ATR: variants seen among roughly 807,000 people sequenced by gnomAD.
ATR encodes the protein ATR checkpoint kinase.
ATR carries 142 observed loss-of-function variants against 305.3 expected under a neutral mutation model. The ratio of observed to expected loss-of-function variants is 0.47; its 90% CI spans 0.41 to 0.53. ATR has a LOEUF of 0.53. Among genes scored for constraint, ATR ranks in the 20% least tolerant of loss-of-function variants. The probability of loss-of-function intolerance (pLI) is 0.00; values close to 1 mark genes in which losing one functional copy is unlikely to be tolerated. For synonymous variants in ATR, 1,050 were observed against 1,068.1 expected, an observed-to-expected ratio of 0.98 and a Z score of 0.33; for missense variants, 2,135 against 3,133.1, an observed-to-expected ratio of 0.68 and a Z score of 7.60.
chr3:142,471,495 G>T (rs750647721), intron 36 of ATR, among the ~76,000 whole-genome samples: 9 of 152,166 alleles, frequency 5.9e-5, no homozygotes, highest in Non-Finnish European at 1.3e-4. Flanking sequence ...TATAGAAGAA[G>T]TGGGGACTTT....
chr3:142,566,743 TAC>T (rs1237985740), intron 2 of ATR, among the ~76,000 whole-genome samples: 1 of 151,346 alleles, frequency 6.6e-6, no homozygotes, highest in Non-Finnish European at 1.5e-5. Context: ...GGCTAAACAC[TAC>T]AGTCTTTTTT....
chr3:142,455,090 A>G (rs560896171), intron 45 of ATR, among the ~76,000 whole-genome samples: 29 of 152,366 alleles, frequency 1.9e-4, no homozygotes, highest in Admixed American at 4.6e-4. Flanking sequence ...CAATATCAAT[A>G]TATAAATATC....
At chr3:142,465,960 C>T (rs1194872642) in intron 40 of ATR, 3 of 256,140 alleles carry the variant, frequency 1.2e-5, no homozygotes, top group East Asian at 1.1e-4. Flanking sequence ...GAGCTGAGAT[C>T]GCACCACTGT....
At chr3:142,515,310 T>G (rs2032810542) in intron 25 of ATR, 85 bp downstream of exon 25, 2 of 1,525,668 alleles carry the variant, frequency 1.3e-6, no homozygotes, top group South Asian at 1.2e-5. Context: ...CTTCAATGAT[T>G]ATTGTGTGTG....
chr3:142,535,901 G>A (rs1032076527), intron 20 of ATR, among the ~76,000 whole-genome samples: 2 of 152,042 alleles, frequency 1.3e-5, no homozygotes, highest in Non-Finnish European at 2.9e-5. Context: ...TCTATCTAAT[G>A]GTGTTACATA....
chr3:142,554,069 T>C, intron 10 of ATR, 54 bp from the exon 11 acceptor site: 4 of 1,420,166 alleles, frequency 2.8e-6, no homozygotes, highest in African/African-American at 1.4e-5. Flanking sequence ...GTCAAGGTTG[T>C]ACTGTAAAAA....
chr3:142,572,002 G>A (rs959230353), intron 1 of ATR, among the ~76,000 whole-genome samples: 1 of 151,426 alleles, frequency 6.6e-6, no homozygotes, highest in Admixed American at 6.6e-5. Flanking sequence ...CTGACCTCAG[G>A]TAATCCGCCC....
intron 36 of ATR, among the ~76,000 whole-genome samples, chr3:142,479,524 G>T (rs951515122): frequency 6.6e-6 from 1 of 152,084 alleles, no homozygotes; most frequent in Non-Finnish European, 1.5e-5. Context: ...CTTAACGTTC[G>T]TTCCTTCATT....
chr3:142,518,472 G>C (rs1302871425), intron 24 of ATR, among the ~76,000 whole-genome samples: 1 of 152,160 alleles, frequency 6.6e-6, no homozygotes, highest in Non-Finnish European at 1.5e-5. Flanking sequence ...AGCTGATACC[G>C]CATCACTGCA....
In ATR at chr3:142,560,432, G is replaced by A. The variant is rs2108483339; in HGVS notation, c.1372C>T (p.Gln458Ter). Residue 458 changes from glutamine to a stop codon, truncating the protein, a stop_gained, in exon 6 of 47, where the codon CAA (glutamine) becomes TAA (stop). Transcript: ENST00000350721. LOFTEE classifies it high-confidence loss of function. ...TEEIKHVDMN[Q>*]KSILWSALKQ... ...AGTGCACTCCATAATATGCTCTTTT[G>A]GTTCATGTCCACATGTTTAATTCTA... 6.2e-7 allele frequency: 1 copy of A among 1,612,064 alleles called. No individual in the cohort carries two copies. Among genetic ancestry groups the A allele is most frequent in the Non-Finnish European group, 8.5e-7 (1 of 1,178,352 alleles).
At chr3:142,521,434 AT>A (rs927933095) in intron 23 of ATR, among the ~76,000 whole-genome samples, 1 of 152,210 alleles carries the variant, frequency 6.6e-6, no homozygotes, top group African/African-American at 2.4e-5. Context: ...TTCAAGTTTT[AT>A]TACTTAAGAA....
intron 1 of ATR, among the ~76,000 whole-genome samples, chr3:142,576,813 C>T (rs988957779): frequency 6.6e-6 from 1 of 152,098 alleles, no homozygotes; most frequent in African/African-American, 2.4e-5. Context: ...CAAGATTATG[C>T]AGAGCAGACT....
chr3:142,519,808 G>A (rs767103039), intron 23 of ATR, 24 bp from the exon 24 acceptor site: 1 of 1,505,170 alleles, frequency 6.6e-7, no homozygotes, highest in East Asian at 2.3e-5. Flanking sequence ...TTTTACATTT[G>A]TAAGTCCACA....
At chr3:142,548,228 TGTA>T (rs1166289705) in intron 15 of ATR, among the ~76,000 whole-genome samples, 2 of 152,106 alleles carry the variant, frequency 1.3e-5, no homozygotes, top group African/African-American at 2.4e-5. Context: ...TGGGAGGAAA[TGTA>T]GTATAGTGGC....
At chr3:142,475,417 G>C (rs943425225) in intron 36 of ATR, among the ~76,000 whole-genome samples, 4 of 152,160 alleles carry the variant, frequency 2.6e-5, no homozygotes, top group Non-Finnish European at 5.9e-5. Flanking sequence ...TCCCTACAAA[G>C]GACATGAACT....
At chr3:142,468,359 T>C (rs2071179429) in intron 38 of ATR, among the ~76,000 whole-genome samples, 1 of 152,070 alleles carries the variant, frequency 6.6e-6, no homozygotes. Flanking sequence ...AGAAATAACC[T>C]TAATGATTAA....
intron 24 of ATR, among the ~76,000 whole-genome samples, chr3:142,519,352 A>G (rs895323004): frequency 4.8e-4 from 73 of 151,374 alleles, no homozygotes; most frequent in Admixed American, 3.1e-3. Flanking sequence ...CCCAGGCTGT[A>G]GTGCAATGGC....
At chr3:142,503,524 A>G in intron 29 of ATR, 71 bp from the exon 30 acceptor site, 1 of 882,368 alleles carries the variant, frequency 1.1e-6, no homozygotes, top group South Asian at 1.8e-5. Flanking sequence ...AAACAGTTTA[A>G]CTGATATTCT....
rs116512652 is a variant in ATR, at chr3:142,527,127, A to C, written c.3946-2928T>G. Among the ~76,000 whole-genome samples the C allele has an allele frequency of 1.8e-3, 280 of 152,226 alleles. 2 individuals are homozygous for C. The highest frequency in any genetic ancestry group is 6.5e-3 in the African/African-American group (272 of 41,536). Reference sequence around the variant, plus strand: ...TAATGTGAAATTGATTTGTTTGATAATATTTCATTTATAAATTTTTACACT... The same window carrying C: ...TAATGTGAAATTGATTTGTTTGATACTATTTCATTTATAAATTTTTACACT... On this transcript the variant is annotated intron_variant, in intron 21 of 46. Coordinates refer to ENST00000350721, the MANE Select transcript of ATR (RefSeq NM_001184.4).
Sources: allele counts gnomAD v4.1 joint callset (sites outside exome capture counted in the v4.1 genomes callset), GRCh38; gene constraint gnomAD v4.1.1; transcripts MANE v1.5; gene names NCBI Gene and HGNC (gene_info 2026-07-23, HGNC 2026-07-21).